Variants in ZNF585B observed in about 807,000 individuals in gnomAD.
The protein encoded by ZNF585B is zinc finger protein 585B, also known as zinc finger protein 41-like protein.
In ZNF585B, 7 loss-of-function variants were observed where a neutral mutation model predicts 14.0. The observed-to-expected ratio is 0.50, with a 90% CI of 0.28 to 0.94. The LOEUF is 0.94. Among genes scored for constraint, ZNF585B ranks in the 40% least tolerant of loss-of-function variants. The pLI is 0.09. For synonymous variants in ZNF585B, 290 were observed against 317.3 expected (o/e 0.91, Z 0.91); for missense variants, 750 against 924.4 (o/e 0.81, Z 2.45).
chr19:37,187,032 G>A lies in ZNF585B; in HGVS notation c.505C>T (p.Gln169Ter). ...VCIECGRAFVQKPEFITHQKT... is the reference protein window; with the variant it reads ...VCIECGRAFV Reference sequence around the variant, plus strand: ...TGATGTGTGATGAATTCTGGCTTCTGTACAAAAGCCCTCCCACATTCAATA... The same window carrying A: ...TGATGTGTGATGAATTCTGGCTTCTATACAAAAGCCCTCCCACATTCAATA... The change falls in exon 5 of 5, where the codon CAG becomes TAG. Residue 169 changes from glutamine (Q) to a stop codon, truncating the protein, a stop_gained. Transcript: ENST00000532828. LOFTEE classifies it low-confidence loss of function (END_TRUNC). The A allele has an allele frequency of 1.2e-6, 2 of 1,613,040 alleles. No homozygotes were observed. The highest frequency in any genetic ancestry group is 1.7e-5 in the Admixed American group (1 of 59,772).
At chr19:37,191,134 T>C (rs1260232176) in intron 2 of ZNF585B, among the ~76,000 whole-genome samples, 2 of 152,214 alleles carry the variant, frequency 1.3e-5, no homozygotes, top group Non-Finnish European at 2.9e-5. Flanking sequence ...TAACATTTGT[T>C]AACCTGATAA....
At chr19:37,188,262 G>A (rs1465451723) in intron 4 of ZNF585B, among the ~76,000 whole-genome samples, 2 of 152,204 alleles carry the variant, frequency 1.3e-5, no homozygotes, top group African/African-American at 2.4e-5. Context: ...TGAGGCGGGC[G>A]GATCACCTGA....
rs73624816 is a variant in ZNF585B, at chr19:37,186,940, C to T, written c.597G>A (p.Ser199=). Residue 199 remains serine, a synonymous_variant, in exon 5 of 5, where the codon TCG becomes TCA. Transcript: ENST00000532828. ...GAATTCTGTGATGCCTGAAAAGAGACGATACTTGAAAAAAGGATTTTCCAC... is the reference window on the plus strand; with the variant it reads ...GAATTCTGTGATGCCTGAAAAGAGATGATACTTGAAAAAAGGATTTTCCAC... The part of the protein sequence containing the change: ...NECGKSFFQV[S]SLFRHHRIHT... 2.6e-3 allele frequency: 4,218 copies of T among 1,613,840 alleles called. 87 individuals are homozygous for T. The African/African-American group carries it at 0.049, about 19-fold the overall frequency.
intron 2 of ZNF585B, among the ~76,000 whole-genome samples, chr19:37,201,059 C>G (rs1292504454): frequency 6.6e-6 from 1 of 150,444 alleles, no homozygotes; most frequent in Non-Finnish European, 1.5e-5. Context: ...CCATTGCACT[C>G]CAGCCTGGCA....
chr19:37,196,409 T>G (rs557355707), intron 2 of ZNF585B, among the ~76,000 whole-genome samples: 6 of 152,336 alleles, frequency 3.9e-5, no homozygotes, highest in Non-Finnish European at 7.4e-5. Context: ...TTTGGAATAG[T>G]TATGACTGGA....
At chr19:37,192,333 C>G (rs1176165045) in intron 2 of ZNF585B, among the ~76,000 whole-genome samples, 1 of 152,084 alleles carries the variant, frequency 6.6e-6, no homozygotes, top group African/African-American at 2.4e-5. Flanking sequence ...AATAAGTTTA[C>G]ATTTCATAGA....
chr19:37,202,810 T>A lies in ZNF585B; in HGVS notation c.72+4230A>T, dbSNP rs535416577. Among the ~76,000 whole-genome samples, 3 of 152,188 alleles carry A rather than the reference T, an allele frequency of 2.0e-5. No individual in the cohort carries two copies. In the East Asian group the frequency reaches 5.8e-4, roughly 29 times the overall value. On this transcript the variant is annotated intron_variant, in intron 2 of 4. Coordinates refer to ENST00000532828, the MANE Select transcript of ZNF585B (RefSeq NM_152279.4). Reference sequence around the variant, plus strand: ...GGTATGTGCCACCATGCCCAGTTAATTTTTGCATTTTTAGTAGAGACAGGG... The same window carrying A: ...GGTATGTGCCACCATGCCCAGTTAAATTTTGCATTTTTAGTAGAGACAGGG...
At position 37,185,964 on chromosome 19, in the gene ZNF585B, T is replaced by G; in HGVS notation, c.1573A>C (p.Asn525His). Reference protein sequence around the residue: ...IHTGEKPYECNTCGKAFTQKS... With the variant: ...IHTGEKPYECHTCGKAFTQKS... ...TGAGTAAAGGCTTTTCCACAAGTAT[T>G]GCATTCATAAGGCTTCTCCCCAGTA... The change falls in exon 5 of 5, where the codon AAT becomes CAT. Residue 525 changes from asparagine (N) to histidine (H), a missense_variant. Transcript: ENST00000532828. 1.2e-6 allele frequency: 2 copies of G among 1,613,990 alleles called. No homozygotes were observed. The highest frequency in any genetic ancestry group is 8.5e-7 in the Non-Finnish European group (1 of 1,180,014).
chr19:37,201,675 AAGT>A (rs1485229425), intron 2 of ZNF585B, among the ~76,000 whole-genome samples: 1 of 152,226 alleles, frequency 6.6e-6, no homozygotes, highest in East Asian at 1.9e-4. Context: ...ATTTTATTAA[AAGT>A]AGAATATTTT....
chr19:37,187,304 T>C, intron 4 of ZNF585B, 60 bp from the exon 5 acceptor site: 1 of 1,237,804 alleles, frequency 8.1e-7, no homozygotes, highest in South Asian at 1.5e-5. Flanking sequence ...AGTACTCTTC[T>C]TAACATTCTT....
At chr19:37,197,405 C>G (rs752742856) in intron 2 of ZNF585B, among the ~76,000 whole-genome samples, 2 of 152,074 alleles carry the variant, frequency 1.3e-5, no homozygotes, top group African/African-American at 4.8e-5. Flanking sequence ...GTTGGTTCCA[C>G]GTCTTTGCTA....
chr19:37,195,625 T>C (rs1167834687), intron 2 of ZNF585B, among the ~76,000 whole-genome samples: 1 of 151,080 alleles, frequency 6.6e-6, no homozygotes, highest in Non-Finnish European at 1.5e-5. Context: ...CTTATTTAGA[T>C]AAGATAAATA....
chr19:37,198,957 T>C, intron 2 of ZNF585B: 2 of 1,507,304 alleles, frequency 1.3e-6, no homozygotes, highest in Non-Finnish European at 1.8e-6. Context: ...TTTCTTCATT[T>C]AACTGCATTC....
At chr19:37,187,968 T>G (rs1324127945) in intron 4 of ZNF585B, among the ~76,000 whole-genome samples, 1 of 152,164 alleles carries the variant, frequency 6.6e-6, no homozygotes, top group African/African-American at 2.4e-5. Context: ...CCTAATTCAC[T>G]TTAAATTTTA....
At chr19:37,197,740 A>C in intron 2 of ZNF585B, among the ~76,000 whole-genome samples, 1 of 152,168 alleles carries the variant, frequency 6.6e-6, no homozygotes, top group Non-Finnish European at 1.5e-5. Flanking sequence ...AGTGATGATG[A>C]GCATTTTTTT....
At chr19:37,188,400 C>A (rs1477167765) in intron 4 of ZNF585B, among the ~76,000 whole-genome samples, 5 of 152,186 alleles carry the variant, frequency 3.3e-5, no homozygotes, top group Admixed American at 1.3e-4. Context: ...GCAAGAGAAT[C>A]GCTTGAACCC....
chr19:37,207,128 A>G lies in ZNF585B; in HGVS notation c.-17T>C. On this transcript the variant is annotated 5_prime_UTR_variant, in exon 2 of 5. Transcript: ENST00000532828. Reference sequence around the variant, plus strand: ...AGCTGGCATGGCCACACTGGATCTCAACCCTTTTTGTCTAGGGTGCCTGAA... The same window carrying G: ...AGCTGGCATGGCCACACTGGATCTCGACCCTTTTTGTCTAGGGTGCCTGAA... The G allele has an allele frequency of 1.2e-6, 2 of 1,613,170 alleles. No homozygotes were observed. Among genetic ancestry groups the G allele is most frequent in the Non-Finnish European group, 1.7e-6 (2 of 1,179,446 alleles).
At chr19:37,206,974 T>C (rs1972593232) in intron 2 of ZNF585B, 66 bp downstream of exon 2, 2 of 1,597,778 alleles carry the variant, frequency 1.3e-6, no homozygotes, top group African/African-American at 1.3e-5. Flanking sequence ...CCTAAGGCTG[T>C]GGTGACAGAT....
At chr19:37,190,239 G>T in intron 2 of ZNF585B, 89 bp from the exon 3 acceptor site, 3 of 1,541,316 alleles carry the variant, frequency 1.9e-6, no homozygotes, top group South Asian at 1.2e-5. Flanking sequence ...GGGTTTTGTT[G>T]TTTTTAATTT....
Sources: gnomAD v4.1 joint callset for allele counts (sites outside exome capture counted in the v4.1 genomes callset) on GRCh38, gnomAD v4.1.1 for gene constraint, MANE v1.5 for transcripts, NCBI Gene and HGNC (gene_info 2026-07-23, HGNC 2026-07-21) for gene names.